Variants in WDR7 observed in about 807,000 individuals in gnomAD.
WDR7 encodes WD repeat domain 7, also known as WD repeat-containing protein 7.
In WDR7, 46 loss-of-function variants were observed where a neutral mutation model predicts 169.4. That is an observed-to-expected ratio of 0.27 (90% CI 0.21 to 0.35). The LOEUF is 0.35. Ranked by LOEUF, WDR7 falls within the 10% of genes least tolerant of loss-of-function variation. The probability of loss-of-function intolerance (pLI) is 1.00; values close to 1 mark genes in which losing one functional copy is unlikely to be tolerated. For synonymous variants in WDR7, 612 were observed against 666.8 expected, an observed-to-expected ratio of 0.92 and a Z score of 1.27; for missense variants, 1,534 against 1,859.3, an observed-to-expected ratio of 0.83 and a Z score of 3.22.
intron 14 of WDR7, among the ~76,000 whole-genome samples, chr18:56,750,033 C>T (rs1366036073): frequency 6.6e-6 from 1 of 151,034 alleles, no homozygotes; most frequent in African/African-American, 2.4e-5. Context: ...GTGTGTGTGT[C>T]TGTGTGTTTA....
At chr18:56,837,545 A>G (rs996444899) in intron 20 of WDR7, among the ~76,000 whole-genome samples, 15 of 152,264 alleles carry the variant, frequency 9.9e-5, no homozygotes, top group Non-Finnish European at 2.1e-4. Flanking sequence ...AAGAAGAAAC[A>G]TAAGGGAAAA....
At chr18:56,951,993 T>C (rs2047190990) in intron 25 of WDR7, among the ~76,000 whole-genome samples, 1 of 152,212 alleles carries the variant, frequency 6.6e-6, no homozygotes, top group African/African-American at 2.4e-5. Flanking sequence ...TTATGAAAAA[T>C]GATGTTTGCC....
At chr18:56,935,725 T>C in intron 22 of WDR7, 63 bp from the exon 23 acceptor site, 3 of 1,482,052 alleles carry the variant, frequency 2.0e-6, no homozygotes, top group Non-Finnish European at 2.8e-6. Flanking sequence ...CTGTGTCTAA[T>C]CTTTTCAGTC....
Position 56,696,472 on chromosome 18 carries a change from T to C in WDR7, c.1578+10T>C. The C allele has an allele frequency of 6.3e-7, 1 of 1,599,488 alleles. No individual in the cohort carries two copies. The highest frequency in any genetic ancestry group is 8.5e-7 in the Non-Finnish European group (1 of 1,172,042). ...ACCTGAAAACTGTAGTGTAAGTTGATTTATATAAAAGATTATTTCACTATG... is the reference window on the plus strand; with the variant it reads ...ACCTGAAAACTGTAGTGTAAGTTGACTTATATAAAAGATTATTTCACTATG... On this transcript the variant is annotated intron_variant, in intron 12 of 27. Coordinates refer to ENST00000254442, the MANE Select transcript of WDR7 (RefSeq NM_015285.3).
intron 26 of WDR7, among the ~76,000 whole-genome samples, chr18:56,966,654 T>C (rs1034927894): frequency 6.6e-6 from 1 of 152,124 alleles, no homozygotes; most frequent in African/African-American, 2.4e-5. Flanking sequence ...CATGTTGACT[T>C]TTAACTCTGA....
intron 13 of WDR7, among the ~76,000 whole-genome samples, chr18:56,720,180 C>T (rs1442950038): frequency 6.6e-6 from 1 of 152,154 alleles, no homozygotes; most frequent in Non-Finnish European, 1.5e-5. Flanking sequence ...GGTGCAGTGG[C>T]TCACACCTGT....
intron 21 of WDR7, among the ~76,000 whole-genome samples, chr18:56,904,498 G>A (rs1340404916): frequency 6.6e-6 from 1 of 152,110 alleles, no homozygotes; most frequent in Non-Finnish European, 1.5e-5. Flanking sequence ...AACTTTTGGG[G>A]CAACAATATG....
intron 1 of WDR7, among the ~76,000 whole-genome samples, chr18:56,653,794 C>A (rs2024708238): frequency 6.6e-6 from 1 of 152,130 alleles, no homozygotes; most frequent in Non-Finnish European, 1.5e-5. Context: ...TTTGTAGATA[C>A]CCATGTTATT....
intron 18 of WDR7, among the ~76,000 whole-genome samples, chr18:56,780,608 C>A (rs962454379): frequency 2.0e-5 from 3 of 151,960 alleles, no homozygotes; most frequent in African/African-American, 7.3e-5. Flanking sequence ...CCAGCCTGGG[C>A]AACATGGTGA....
chr18:56,760,822 A>T (rs1043592768), intron 16 of WDR7, among the ~76,000 whole-genome samples: 1 of 152,212 alleles, frequency 6.6e-6, no homozygotes, highest in African/African-American at 2.4e-5. Context: ...GTTGACTAGG[A>T]TATGGAGCAA....
At chr18:57,016,096 A>G (rs2048202604) in intron 26 of WDR7, among the ~76,000 whole-genome samples, 1 of 152,072 alleles carries the variant, frequency 6.6e-6, no homozygotes, top group African/African-American at 2.4e-5. Flanking sequence ...CCAACTGGGG[A>G]GGACGTATTT....
chr18:56,950,505 A>G (rs1226595037), intron 25 of WDR7, among the ~76,000 whole-genome samples: 1 of 152,226 alleles, frequency 6.6e-6, no homozygotes, highest in Non-Finnish European at 1.5e-5. Context: ...TCTCAAAGGA[A>G]AGGCATCTGC....
intron 20 of WDR7, among the ~76,000 whole-genome samples, chr18:56,844,993 C>G (rs2045546151): frequency 6.6e-6 from 1 of 152,064 alleles, no homozygotes; most frequent in Admixed American, 6.6e-5. Flanking sequence ...ATAAGTTAAA[C>G]TTTATCATAT....
At chr18:57,005,207 AT>A (rs1182884302) in intron 26 of WDR7, among the ~76,000 whole-genome samples, 2 of 152,238 alleles carry the variant, frequency 1.3e-5, no homozygotes, top group South Asian at 2.1e-4. Context: ...GTTTAAAAAA[AT>A]GATGTCCTTA....
intron 19 of WDR7, among the ~76,000 whole-genome samples, chr18:56,815,522 G>A (rs191770114): frequency 2.0e-4 from 31 of 152,122 alleles, no homozygotes; most frequent in Admixed American, 8.5e-4. Flanking sequence ...ACCTTATATC[G>A]AATTCCTTCA....
In WDR7 at chr18:56,781,548, C is replaced by T; in HGVS notation, c.3082C>T (p.Gln1028Ter). The T allele has an allele frequency of 6.2e-7, 1 of 1,608,436 alleles. No individual in the cohort carries two copies. Among genetic ancestry groups the T allele is most frequent in the South Asian group, 1.1e-5 (1 of 90,312 alleles). The change falls in exon 19 of 28, where the codon CAG becomes TAG. Residue 1028 changes from glutamine to a stop codon, truncating the protein, a stop_gained. Transcript: ENST00000254442. LOFTEE classifies it high-confidence loss of function. ...DRCLEVREAA[Q>*]ALLLAELRRI... ...GTGGTCTTAGGTGAGAGAAGCCGCG[C>T]AGGCCCTGCTTCTGGCGGAACTGAG...
intron 9 of WDR7, among the ~76,000 whole-genome samples, chr18:56,693,561 GTTTTTTTTTTTGT>G (rs1188887600): frequency 2.0e-5 from 2 of 98,756 alleles, no homozygotes; most frequent in African/African-American, 3.4e-5. Context: ...AATTTTGTTG[GTTTTTTTTTTTGT>G]TTTTTTTTTT....
intron 21 of WDR7, among the ~76,000 whole-genome samples, chr18:56,906,540 CCTT>C (rs1410531566): frequency 8.5e-6 from 1 of 118,022 alleles, no homozygotes; most frequent in Non-Finnish European, 1.7e-5. Context: ...TTCTTTCTTT[CCTT>C]CTTTTTTTTT....
rs76353763 is a variant in WDR7, at chr18:56,709,330, C to T, written c.1579-8634C>T. Among the ~76,000 whole-genome samples, 128 of 152,208 alleles carry T rather than the reference C, an allele frequency of 8.4e-4. 1 individual carries two copies. The Middle Eastern group carries it at 0.01, about 12-fold the overall frequency. On this transcript the variant is annotated intron_variant, in intron 12 of 27. Coordinates refer to ENST00000254442, the MANE Select transcript of WDR7 (RefSeq NM_015285.3). ...TCTTGAAGAATTATGAATGTTTTCA[C>T]ATTTTCTGGTAGATACCTAAACTTC...
Sources: gnomAD v4.1 joint callset for allele counts (sites outside exome capture counted in the v4.1 genomes callset) on GRCh38, gnomAD v4.1.1 for gene constraint, MANE v1.5 for transcripts, NCBI Gene and HGNC (gene_info 2026-07-23, HGNC 2026-07-21) for gene names.